DHX38: variants seen among roughly 807,000 people sequenced by gnomAD.
DHX38 encodes the protein DEAH-box helicase 38.
A neutral mutation model predicts 153.1 loss-of-function variants in DHX38; 100 were observed. The observed-to-expected ratio is 0.65, with a 90% CI of 0.56 to 0.77. The LOEUF (loss-of-function observed/expected upper bound fraction) is 0.77, where lower values mean the gene tolerates loss of function less well. DHX38 is among the 30% of genes least tolerant of loss of function. DHX38 has a pLI of 0.00. For synonymous variants in DHX38, 650 were observed against 631.7 expected, an observed-to-expected ratio of 1.03 and a Z score of -0.43; for missense variants, 1,440 against 1,654.0, an observed-to-expected ratio of 0.87 and a Z score of 2.24.
intron 11 of DHX38, among the ~76,000 whole-genome samples, chr16:72,102,157 A>G (rs1327647993): frequency 1.3e-5 from 2 of 152,198 alleles, no homozygotes; most frequent in Admixed American, 1.3e-4. Flanking sequence ...TCTGTCCCTT[A>G]AGATCCTCAT....
Position 72,105,597 on chromosome 16 carries a change from TATCG to T in DHX38, c.2463_2466del (p.Asp822LeufsTer6), listed in dbSNP as rs1317979738. The T allele has an allele frequency of 1.2e-6, 2 of 1,614,070 alleles. No individual in the cohort carries two copies. The highest frequency in any genetic ancestry group is 1.7e-6 in the Non-Finnish European group (2 of 1,180,048). ...TCACTGTTGACGGCATCATGTTTGT[TATCG>T]ATTCTGGTTATTGCAAATTAAAGGT... On this transcript the variant is annotated frameshift_variant, in exon 18 of 27. Transcript: ENST00000268482. LOFTEE classifies it high-confidence loss of function.
rs895688372 is a variant in DHX38 at position 72,105,998 on chromosome 16, C to T, written c.2488-7C>T. On this transcript the variant is annotated splice_polypyrimidine_tract_variant and splice_region_variant and intron_variant, in intron 18 of 26. Transcript: ENST00000268482. ...TCCTTCGTCAGCTCTTTGCCGTCCC[C>T]TCCTAGGTCTTCAACCCCAGGATTG... 2.5e-6 allele frequency: 4 copies of T among 1,613,016 alleles called. No homozygotes were observed. In the Admixed American group the frequency reaches 5.0e-5, roughly 20 times the overall value.
rs888805301 is a variant in DHX38 at position 72,112,530 on chromosome 16, G to T, written c.*33G>T. On this transcript the variant is annotated 3_prime_UTR_variant, in exon 27 of 27. Coordinates refer to ENST00000268482, the MANE Select transcript of DHX38 (RefSeq NM_014003.4). Reference sequence around the variant, plus strand: ...CTGTCCCCAGAGAGGATGGCAGCAGGTATTGGGTCCTCAGCCTTCTGGCGG... The same window carrying T: ...CTGTCCCCAGAGAGGATGGCAGCAGTTATTGGGTCCTCAGCCTTCTGGCGG... The T allele has an allele frequency of 6.2e-7, 1 of 1,609,022 alleles. No individual in the cohort carries two copies. The highest frequency in any genetic ancestry group is 1.3e-5 in the African/African-American group (1 of 75,036).
chr16:72,105,560 C>T lies in DHX38; in HGVS notation c.2423C>T (p.Ala808Val). The T allele has an allele frequency of 6.2e-7, 1 of 1,614,198 alleles. No individual in the cohort carries two copies. The highest frequency in any genetic ancestry group is 8.5e-7 in the Non-Finnish European group (1 of 1,180,050). The change falls in exon 18 of 27, where the codon GCC (alanine) becomes GTC (valine). Residue 808 changes from alanine (A) to valine (V), a missense_variant. Physicochemically the swap from Ala to Val is moderately conservative, Grantham distance 64. Around this residue, in one of 6 missense-constraint regions of DHX38, gnomAD observed 543 missense variants for 717.9 expected, o/e 0.76. Coordinates refer to ENST00000268482, the MANE Select transcript of DHX38 (RefSeq NM_014003.4). ...AAGTGCATCGTTGCCACCAATATTGCCGAGACGTCTCTCACTGTTGACGGC... is the reference window on the plus strand; with the variant it reads ...AAGTGCATCGTTGCCACCAATATTGTCGAGACGTCTCTCACTGTTGACGGC... ...VRKCIVATNIAETSLTVDGIM... is the reference protein window; with the variant it reads ...VRKCIVATNIVETSLTVDGIM...
At chr16:72,099,667 T>G (rs1597440665) in intron 7 of DHX38, 65 bp from the exon 8 acceptor site, 2 of 1,591,766 alleles carry the variant, frequency 1.3e-6, no homozygotes, top group Non-Finnish European at 8.6e-7. Flanking sequence ...CTTCTTCTGT[T>G]GGCCATGTCT....
At chr16:72,102,870 C>T (rs2074627) in intron 11 of DHX38, among the ~76,000 whole-genome samples, 69,298 of 152,048 alleles carry the variant, frequency 0.46, 17,814 homozygotes, top group African/African-American at 0.71. Flanking sequence ...CCTGTGGTGT[C>T]GAGTGTGTTG....
Position 72,099,882 on chromosome 16 carries a change from A to G in DHX38, c.1111A>G (p.Asn371Asp). The change falls in exon 8 of 27, where the codon AAT becomes GAT. Residue 371 changes from asparagine (N) to aspartate (D), a missense_variant. Around this residue, in one of 6 missense-constraint regions of DHX38, gnomAD observed 77 missense variants for 125.4 expected, o/e 0.61. Coordinates refer to ENST00000268482, the MANE Select transcript of DHX38 (RefSeq NM_014003.4). ...CATTTCAGCTCAGCGGAGACAGATC[A>G]ATGAGGTGAGGCTGCCTGCAGAAGT... ...KRISAQRRQINEDNERWETNR... is the reference protein window; with the variant it reads ...KRISAQRRQIDEDNERWETNR... 2.5e-6 allele frequency: 4 copies of G among 1,604,238 alleles called. No homozygotes were observed. The highest frequency in any genetic ancestry group is 3.4e-6 in the Non-Finnish European group (4 of 1,175,172).
chr16:72,111,141 G>T lies in DHX38; in HGVS notation c.3599+64G>T, dbSNP rs2042251028. 3.4e-6 allele frequency: 5 copies of T among 1,485,844 alleles called. No homozygotes were observed. In the African/African-American group the frequency reaches 5.6e-5, roughly 17 times the overall value. 92.0% of individuals were successfully genotyped at this position (1,485,844 alleles called of 1,614,324 possible). A position where few individuals can be genotyped will look rare whatever the true frequency, so the allele number is the denominator to read the frequency against. On this transcript the variant is annotated intron_variant, in intron 26 of 26. Coordinates refer to ENST00000268482, the MANE Select transcript of DHX38 (RefSeq NM_014003.4). ...CATCCCAGGAGGCTGCCAGAGACCA[G>T]GCCCTGATGCAGGGTCAGGATTTAT...
Position 72,107,460 on chromosome 16 carries a change from G to A in DHX38, c.2721G>A (p.Leu907=), listed in dbSNP as rs771894557. 12 of 1,614,074 alleles carry A rather than the reference G, an allele frequency of 7.4e-6. No individual in the cohort carries two copies. The Admixed American group carries it at 8.3e-5, about 11-fold the overall frequency. The change falls in exon 20 of 27, where the codon CTG becomes CTA. Residue 907 remains leucine, a synonymous_variant. Coordinates refer to ENST00000268482, the MANE Select transcript of DHX38 (RefSeq NM_014003.4). This position sits in a 1 kb window ranked among gnomAD's most constrained non-coding sequence, Gnocchi z 5.3. The part of the protein sequence containing the change: ...LLKSLGVQDL[L]QFHFMDPPPE... ...AGTCCCTCGGGGTGCAGGACCTGCT[G>A]CAGTTCCACTTCATGGACCCGCCCC...
At position 72,101,711 on chromosome 16, in the gene DHX38, G is replaced by A. The variant is rs1446888979; in HGVS notation, c.1499+99G>A. On this transcript the variant is annotated intron_variant, in intron 11 of 26. Transcript: ENST00000268482. ...CCCATCGACTTTGTGGCTCCTGAGT[G>A]GGAGACTCTTAGGATACCTCTCTGC... 1.7e-5 allele frequency: 15 copies of A among 904,912 alleles called. No homozygotes were observed. The East Asian group carries it at 2.9e-4, about 18-fold the overall frequency. 56.1% of individuals were successfully genotyped at this position (904,912 alleles called of 1,614,324 possible). A position where few individuals can be genotyped will look rare whatever the true frequency, so the allele number is the denominator to read the frequency against.
chr16:72,094,138 G>A (rs1426753578), intron 1 of DHX38, 87 bp downstream of exon 1: 1 of 152,700 alleles, frequency 6.5e-6, no homozygotes, highest in African/African-American at 2.4e-5. Flanking sequence ...CTCAGGTCCG[G>A]GCCCCAGTTT....
Position 72,096,928 on chromosome 16 carries a change from G to C in DHX38, c.430G>C (p.Val144Leu), listed in dbSNP as rs1597438134. ...AGAGCGGGAGCGGCGGGAACATGGT[G>C]TCTATGCCTCGTCCAAAGAAGAAAA... ...QRERERREHG[V>L]YASSKEEKDW... The change falls in exon 3 of 27, where the codon GTC becomes CTC. Residue 144 changes from valine (V) to leucine (L), a missense_variant. Coordinates refer to ENST00000268482, the MANE Select transcript of DHX38 (RefSeq NM_014003.4). The C allele has an allele frequency of 6.2e-7, 1 of 1,614,066 alleles. No individual in the cohort carries two copies. Among genetic ancestry groups the C allele is most frequent in the African/African-American group, 1.3e-5 (1 of 75,050 alleles).
intron 1 of DHX38, among the ~76,000 whole-genome samples, chr16:72,095,363 T>C (rs1339447676): frequency 1.3e-5 from 2 of 152,202 alleles, no homozygotes; most frequent in African/African-American, 4.8e-5. Flanking sequence ...TAAATTGTTT[T>C]CTGTAAAACG....
At chr16:72,112,245 G>T in intron 26 of DHX38, 168 bp from the exon 27 acceptor site, 1 of 636,032 alleles carries the variant, frequency 1.6e-6, no homozygotes, top group South Asian at 1.9e-5. Flanking sequence ...ATCGCCAGTC[G>T]AACATGGGGA....
chr16:72,097,835 T>C (rs2042042876), intron 4 of DHX38, 54 bp downstream of exon 4: 1 of 1,466,190 alleles, frequency 6.8e-7, no homozygotes. Context: ...AAAGGCAGAG[T>C]GAGTGACTCT....
intron 2 of DHX38, 127 bp from the exon 3 acceptor site, chr16:72,096,695 T>C: frequency 6.7e-7 from 1 of 1,487,088 alleles, no homozygotes. Context: ...GTTGTTGCCA[T>C]ATGTGAGCCT....
chr16:72,102,995 A>G, intron 11 of DHX38, 79 bp from the exon 12 acceptor site: 4 of 1,571,722 alleles, frequency 2.5e-6, no homozygotes, highest in East Asian at 2.3e-5. Context: ...TCCTGAGCGT[A>G]GGAAGGAGGG....
At position 72,107,670 on chromosome 16, in the gene DHX38, G is replaced by C. The variant is rs561533345; in HGVS notation, c.2835G>C (p.Leu945=). The C allele has an allele frequency of 3.0e-5, 48 of 1,614,176 alleles. No individual in the cohort carries two copies. In the East Asian group the frequency reaches 7.4e-4, roughly 25 times the overall value. ...GTGGTCTGACCTCTACCGGGCGGCT[G>C]ATGGTGGAGTTCCCGCTGGACCCTG... The part of the protein sequence containing the change: ...NTGGLTSTGR[L]MVEFPLDPAL... Residue 945 remains leucine, a synonymous_variant, in exon 21 of 27, where the codon CTG becomes CTC. Coordinates refer to ENST00000268482, the MANE Select transcript of DHX38 (RefSeq NM_014003.4). The surrounding 1 kb of genome is among the most constrained non-coding windows in gnomAD (Gnocchi z 5.3).
rs202198465 is a variant in DHX38, at chr16:72,096,452, C to A, written c.295C>A (p.Gln99Lys). ...GGATGCTGAGGAAGAGGGCGGTGAC[C>A]AGGCTGGCCAAAATATCCGGAAAGA... ...QKDAEEEGGD[Q>K]AGQNIRKDRH... The change falls in exon 2 of 27, where the codon CAG becomes AAG. Residue 99 changes from glutamine to lysine, a missense_variant. Transcript: ENST00000268482. 17 of 1,613,186 alleles carry A rather than the reference C, an allele frequency of 1.1e-5. No homozygotes were observed. Among genetic ancestry groups the A allele is most frequent in the Non-Finnish European group, 1.4e-5 (16 of 1,179,666 alleles).
Sources: allele counts gnomAD v4.1 joint callset (sites outside exome capture counted in the v4.1 genomes callset), GRCh38; gene constraint gnomAD v4.1.1; regional missense constraint gnomAD v4.1.1; non-coding constraint Gnocchi (gnomAD v3.1); transcripts MANE v1.5; gene names NCBI Gene and HGNC (gene_info 2026-07-23, HGNC 2026-07-21).